The following RPUSD1 variants were observed in gnomAD, a reference collection of about 807,000 sequenced individuals.
The protein encoded by RPUSD1 is pseudouridylate synthase RPUSD1.
In RPUSD1, 28 loss-of-function variants were observed where a neutral mutation model predicts 22.4. That is an observed-to-expected ratio of 1.25 (90% CI 0.93 to 1.72). The LOEUF is 1.72. Among genes scored for constraint, RPUSD1 ranks in the 40% most tolerant of loss-of-function variants. RPUSD1 has a pLI of 0.00. For missense variants in RPUSD1, 596 were observed against 442.2 expected (o/e 1.35, Z -3.12); for synonymous variants, 298 against 201.0 (o/e 1.48, Z -4.08).
At position 787,553 on chromosome 16, in the gene RPUSD1, TACCTGA is replaced by T. The variant is rs775703280; in HGVS notation, c.179_182+2del. The stretch of plus-strand genomic sequence containing the variant: ...ACCGTGGGGCTCCGGCCGCCCCCCC[TACCTGA>T]ACCCGTAGCAGGTGTCAGGGTCGGC... On this transcript the variant is annotated splice_donor_variant and coding_sequence_variant, in exon 2 of 6. Transcript: ENST00000007264. LOFTEE classifies it high-confidence loss of function. 6.2e-7 allele frequency: 1 copy of T among 1,609,834 alleles called. No individual in the cohort carries two copies. Among genetic ancestry groups the T allele is most frequent in the South Asian group, 1.1e-5 (1 of 90,918 alleles).
chr16:787,367 G>T lies in RPUSD1; in HGVS notation c.293C>A (p.Ala98Asp). 1 of 1,586,066 alleles carries T rather than the reference G, an allele frequency of 6.3e-7. No individual in the cohort carries two copies. Among genetic ancestry groups the T allele is most frequent in the Non-Finnish European group, 8.6e-7 (1 of 1,166,922 alleles). Residue 98 changes from alanine to aspartate, a missense_variant, in exon 3 of 6, where the codon GCT becomes GAT. Transcript: ENST00000007264. ...ACCAGGTCTTACCAATGCCAGGTAAGCCTTGGTCACGCGCCGCTCCTTGAA... is the reference window on the plus strand; with the variant it reads ...ACCAGGTCTTACCAATGCCAGGTAATCCTTGGTCACGCGCCGCTCCTTGAA... ...RCFKERRVTK[A>D]YLALLRGHIQ...
rs924995752 is a variant in RPUSD1 at position 787,159 on chromosome 16, C to T, written c.327G>A (p.Glu109=). The T allele has an allele frequency of 6.2e-7, 1 of 1,606,168 alleles. No homozygotes were observed. Among genetic ancestry groups the T allele is most frequent in the Non-Finnish European group, 8.5e-7 (1 of 1,179,282 alleles). The change falls in exon 4 of 6, where the codon GAG becomes GAA. Residue 109 remains glutamate (E), a synonymous_variant. Coordinates refer to ENST00000007264, the MANE Select transcript of RPUSD1 (RefSeq NM_058192.3). ...TGGCATGGCTGATGGTTACCCGGCTCTCCTGGATGTGCCCCCGCAGCTGCA... is the reference window on the plus strand; with the variant it reads ...TGGCATGGCTGATGGTTACCCGGCTTTCCTGGATGTGCCCCCGCAGCTGCA... ...YLALLRGHIQ[E]SRVTISHAIG...
In RPUSD1 at chr16:785,817, G is replaced by C; in HGVS notation, c.*133C>G. On this transcript the variant is annotated 3_prime_UTR_variant, in exon 6 of 6. Coordinates refer to ENST00000007264, the MANE Select transcript of RPUSD1 (RefSeq NM_058192.3). ...CACCTCAGCCCTTCCTCGCAGGCCT[G>C]GCCGGGGCAACCCAGTGGGCCTGAT... 1 of 816,340 alleles carries C rather than the reference G, an allele frequency of 1.2e-6. No homozygotes were observed. Among genetic ancestry groups the C allele is most frequent in the Non-Finnish European group, 1.7e-6 (1 of 584,972 alleles). 50.6% of individuals were successfully genotyped at this position (816,340 alleles called of 1,614,324 possible). A position where few individuals can be genotyped will look rare whatever the true frequency, so the allele number is the denominator to read the frequency against.
chr16:786,408 T>G, intron 5 of RPUSD1, 31 bp from the exon 6 acceptor site: 2 of 1,582,718 alleles, frequency 1.3e-6, no homozygotes, highest in Non-Finnish European at 1.7e-6. Context: ...CGGATCAAGC[T>G]GGGAGCGGGG....
rs1183554877 is a variant in RPUSD1 at position 788,350 on chromosome 16, G to C, written c.-102C>G. ...CGCTGGCGACCCAGAGACCCTGGAA[G>C]CTCCGCTCCGGACGCCTGGCAGCGC... On this transcript the variant is annotated 5_prime_UTR_variant, in exon 1 of 6. Transcript: ENST00000007264. 1 of 194,588 alleles carries C rather than the reference G, an allele frequency of 5.1e-6. No individual in the cohort carries two copies. Among genetic ancestry groups the C allele is most frequent in the Admixed American group, 6.5e-5 (1 of 15,324 alleles). 12.1% of individuals were successfully genotyped at this position (194,588 alleles called of 1,614,324 possible).
In RPUSD1 at chr16:787,450, G is replaced by A. The variant is rs375981058; in HGVS notation, c.210C>T (p.Thr70=). 1.9e-6 allele frequency: 3 copies of A among 1,584,114 alleles called. No individual in the cohort carries two copies. The highest frequency in any genetic ancestry group is 4.7e-5 in the East Asian group (2 of 42,782). ...FRFCHQLDFS[T]SGALCVALNK... ...TTAGGGCCACGCACAGCGCCCCGCT[G>A]GTGGAGAAATCCAGCTGGTGGCAGA... Residue 70 remains threonine (T), a synonymous_variant, in exon 3 of 6, where the codon ACC becomes ACT. Coordinates refer to ENST00000007264, the MANE Select transcript of RPUSD1 (RefSeq NM_058192.3).
intron 2 of RPUSD1, 30 bp from the exon 3 acceptor site, chr16:787,507 C>A (rs1413133540): frequency 1.3e-6 from 2 of 1,594,998 alleles, no homozygotes; most frequent in Non-Finnish European, 8.5e-7. Context: ...AGAGTCTGAG[C>A]CACTTTCCTC....
chr16:787,956 C>G (rs2042014694), intron 1 of RPUSD1: 2 of 599,120 alleles, frequency 3.3e-6, no homozygotes, highest in Non-Finnish European at 5.9e-6. Context: ...CCGGGCTGAC[C>G]TGAAGGGCCC....
At chr16:787,982 T>C (rs2042016222) in intron 1 of RPUSD1, 1 of 581,014 alleles carries the variant, frequency 1.7e-6, no homozygotes, top group East Asian at 3.0e-5. Flanking sequence ...GACCTAAGCC[T>C]GGAGAAAGAG....
In RPUSD1 at chr16:786,250, C is replaced by G; in HGVS notation, c.639G>C (p.Leu213=). 1 of 1,612,784 alleles carries G rather than the reference C, an allele frequency of 6.2e-7. No homozygotes were observed. The highest frequency in any genetic ancestry group is 2.2e-5 in the East Asian group (1 of 44,882). ...PFRMMLHAFY[L]RIPTDTECVE... ...CACACTCGGTGTCCGTGGGGATGCG[C>G]AGGTAGAAAGCGTGCAGCATCATTC... The change falls in exon 6 of 6, where the codon CTG becomes CTC. Residue 213 remains leucine (L), a synonymous_variant. Transcript: ENST00000007264.
Position 787,415 on chromosome 16 carries a change from G to A in RPUSD1, c.245C>T (p.Ala82Val), listed in dbSNP as rs2151634470. The stretch of plus-strand genomic sequence containing the variant: ...GAAGCACCTGTACGCGCTGCCGGCG[G>A]CTGCCTTGTTTAGGGCCACGCACAG... The part of the protein sequence containing the change: ...GALCVALNKA[A>V]AGSAYRCFKE... The change falls in exon 3 of 6, where the codon GCC becomes GTC. Residue 82 changes from alanine to valine, a missense_variant. By Grantham distance (64) the Ala-to-Val change is moderately conservative (BLOSUM62 0). Coordinates refer to ENST00000007264, the MANE Select transcript of RPUSD1 (RefSeq NM_058192.3). 2 of 1,584,434 alleles carry A rather than the reference G, an allele frequency of 1.3e-6. No individual in the cohort carries two copies. The highest frequency in any genetic ancestry group is 2.3e-5 in the East Asian group (1 of 42,790).
Position 787,352 on chromosome 16 carries a change from AC to A in RPUSD1, c.306+1del. ...CCCACCCCAGGACTGACCAGGTCTT[AC>A]CAATGCCAGGTAAGCCTTGGTCACG... On this transcript the variant is annotated splice_donor_variant, in intron 3 of 5. Coordinates refer to ENST00000007264, the MANE Select transcript of RPUSD1 (RefSeq NM_058192.3). LOFTEE classifies it high-confidence loss of function. 6.3e-7 allele frequency: 1 copy of A among 1,583,128 alleles called. No individual in the cohort carries two copies. Among genetic ancestry groups the A allele is most frequent in the Non-Finnish European group, 8.6e-7 (1 of 1,165,386 alleles).
In RPUSD1 at chr16:786,774, G is replaced by T. The variant is rs769992327; in HGVS notation, c.511+53C>A. The T allele has an allele frequency of 2.8e-6, 4 of 1,452,142 alleles. No homozygotes were observed. In the South Asian group the frequency reaches 3.4e-5, roughly 12 times the overall value. 90.0% of individuals were successfully genotyped at this position (1,452,142 alleles called of 1,614,324 possible). A position where few individuals can be genotyped will look rare whatever the true frequency, so the allele number is the denominator to read the frequency against. On this transcript the variant is annotated intron_variant, in intron 5 of 5. Transcript: ENST00000007264. Reference sequence around the variant, plus strand: ...GGCCCAACATAAGCTTCGTGGCCCTGTGCCTCAGTTTCCCTTCTGTCACCA... The same window carrying T: ...GGCCCAACATAAGCTTCGTGGCCCTTTGCCTCAGTTTCCCTTCTGTCACCA...
chr16:785,504 A>C lies in RPUSD1; in HGVS notation c.*446T>G. On this transcript the variant is annotated 3_prime_UTR_variant, in exon 6 of 6. Coordinates refer to ENST00000007264, the MANE Select transcript of RPUSD1 (RefSeq NM_058192.3). Reference sequence around the variant, plus strand: ...CAGAACGGCCCTTCCCAGCCCCTCTAGAGGGTAGGTTGGGGGCAGTAGCTC... The same window carrying C: ...CAGAACGGCCCTTCCCAGCCCCTCTCGAGGGTAGGTTGGGGGCAGTAGCTC... The C allele has an allele frequency of 6.3e-6, 1 of 159,382 alleles. No homozygotes were observed. Among genetic ancestry groups the C allele is most frequent in the Non-Finnish European group, 1.4e-5 (1 of 73,092 alleles). 9.9% of individuals were successfully genotyped at this position (159,382 alleles called of 1,614,324 possible). A position where few individuals can be genotyped will look rare whatever the true frequency, so the allele number is the denominator to read the frequency against.
At position 787,277 on chromosome 16, in the gene RPUSD1, G is replaced by A. The variant is rs565845386; in HGVS notation, c.306+77C>T. 37 of 1,546,458 alleles carry A rather than the reference G, an allele frequency of 2.4e-5. No individual in the cohort carries two copies. In the African/African-American group the frequency reaches 4.4e-4, roughly 18 times the overall value. On this transcript the variant is annotated intron_variant, in intron 3 of 5. Coordinates refer to ENST00000007264, the MANE Select transcript of RPUSD1 (RefSeq NM_058192.3). ...GCAACCACGTAGAGCGTGGTGGGAG[G>A]CTCTGAGCCAGGGCTGCCCAAGTGG...
At position 786,243 on chromosome 16, in the gene RPUSD1, G is replaced by C. The variant is rs2041905126; in HGVS notation, c.646C>G (p.Pro216Ala). ...MMLHAFYLRI[P>A]TDTECVEVCT... ...ACCTCCACACACTCGGTGTCCGTGG[G>C]GATGCGCAGGTAGAAAGCGTGCAGC... The change falls in exon 6 of 6, where the codon CCC becomes GCC. Residue 216 changes from proline (P) to alanine (A), a missense_variant. Pro to Ala is a conservative substitution (Grantham distance 27). Transcript: ENST00000007264. 1 of 1,612,798 alleles carries C rather than the reference G, an allele frequency of 6.2e-7. No homozygotes were observed. The highest frequency in any genetic ancestry group is 8.5e-7 in the Non-Finnish European group (1 of 1,179,950).
rs1191019559 is a variant in RPUSD1, at chr16:785,837, C to A, written c.*113G>T. Reference sequence around the variant, plus strand: ...GGCCTGGCCGGGGCAACCCAGTGGGCCTGATGCTGCCTGGCACCTCGAGGC... The same window carrying A: ...GGCCTGGCCGGGGCAACCCAGTGGGACTGATGCTGCCTGGCACCTCGAGGC... On this transcript the variant is annotated 3_prime_UTR_variant, in exon 6 of 6. Coordinates refer to ENST00000007264, the MANE Select transcript of RPUSD1 (RefSeq NM_058192.3). 1 of 1,013,550 alleles carries A rather than the reference C, an allele frequency of 9.9e-7. No individual in the cohort carries two copies. The highest frequency in any genetic ancestry group is 1.3e-6 in the Non-Finnish European group (1 of 750,654). 62.8% of individuals were successfully genotyped at this position (1,013,550 alleles called of 1,614,324 possible).
intron 1 of RPUSD1, 82 bp from the exon 2 acceptor site, chr16:787,826 C>A: frequency 1.4e-6 from 2 of 1,455,908 alleles, no homozygotes; most frequent in Non-Finnish European, 1.9e-6. Flanking sequence ...CGCACCGCCC[C>A]ACCCGGGCTC....
chr16:786,367 G>C lies in RPUSD1; in HGVS notation c.522C>G (p.His174Gln). Residue 174 changes from histidine (H) to glutamine (Q), a missense_variant, in exon 6 of 6, where the codon CAC becomes CAG. His to Gln is a conservative substitution (Grantham distance 24, BLOSUM62 0). Coordinates refer to ENST00000007264, the MANE Select transcript of RPUSD1 (RefSeq NM_058192.3). ...VLLKPLTGRTHQLRVHCSALG... is the reference protein window; with the variant it reads ...VLLKPLTGRTQQLRVHCSALG... ...GGGCACTGCAGTGCACGCGCAGCTG[G>C]TGTGTCCGGCCTGCGGGATGAGGGC... 1 of 1,606,290 alleles carries C rather than the reference G, an allele frequency of 6.2e-7. No individual in the cohort carries two copies. The highest frequency in any genetic ancestry group is 8.5e-7 in the Non-Finnish European group (1 of 1,175,572).
Sources: gnomAD v4.1 joint callset for allele counts on GRCh38, gnomAD v4.1.1 for gene constraint, MANE v1.5 for transcripts, NCBI Gene and HGNC (gene_info 2026-07-23, HGNC 2026-07-21) for gene names.